Variants in BLTP1 observed in about 807,000 individuals in gnomAD.
BLTP1 encodes fragile site-associated protein.
chr4:122,268,670 C>T, the BLTP1 span, among the ~76,000 whole-genome samples: 1 of 152,104 alleles, frequency 6.6e-6, no homozygotes, highest in African/African-American at 2.4e-5. Context: ...TTTTTAGTTT[C>T]TTTGCTGCAT....
chr4:122,193,744 G>T, the BLTP1 span: 2 of 703,890 alleles, frequency 2.8e-6, no homozygotes, highest in Non-Finnish European at 3.5e-6. Context: ...AGATATTACG[G>T]GGCCATTGAT....
At chr4:122,350,091 AGCTTTTATATAT>A in the BLTP1 span, 4 of 1,609,652 alleles carry the variant, frequency 2.5e-6, no homozygotes, top group Non-Finnish European at 3.4e-6. Flanking sequence ...ATTAGAAGTA[AGCTTTTATATAT>A]GCTTTATCTT....
At chr4:122,233,897 C>T in the BLTP1 span, among the ~76,000 whole-genome samples, 1 of 152,036 alleles carries the variant, frequency 6.6e-6, no homozygotes, top group Non-Finnish European at 1.5e-5. Flanking sequence ...TAGCATGACA[C>T]TAGGCACTTA....
the BLTP1 span, chr4:122,229,815 C>T: frequency 3.8e-6 from 5 of 1,325,808 alleles, no homozygotes; most frequent in Admixed American, 3.3e-5. Context: ...CCTTTATTTT[C>T]TCCTTCCATT....
At chr4:122,189,646 G>A in the BLTP1 span, 1 of 926,668 alleles carries the variant, frequency 1.1e-6, no homozygotes, top group Non-Finnish European at 1.3e-6. Flanking sequence ...TCATTCCATT[G>A]TATTTAAACT....
the BLTP1 span, among the ~76,000 whole-genome samples, chr4:122,177,031 A>G: frequency 3.3e-5 from 5 of 152,192 alleles, no homozygotes; most frequent in African/African-American, 9.6e-5. Context: ...TTCCTCAGTC[A>G]TCATCCTTGA....
At chr4:122,167,993 C>A in the BLTP1 span, 6 of 713,340 alleles carry the variant, frequency 8.4e-6, no homozygotes, top group Non-Finnish European at 1.0e-5. Context: ...GCTGAGCATA[C>A]AACATTTTTG....
the BLTP1 span, chr4:122,286,559 C>T: frequency 1.2e-6 from 2 of 1,614,026 alleles, no homozygotes; most frequent in African/African-American, 1.3e-5. Context: ...ACAAGATTTA[C>T]ATTTGAGCTG....
chr4:122,205,298 T>C, the BLTP1 span, among the ~76,000 whole-genome samples: 27 of 152,002 alleles, frequency 1.8e-4, no homozygotes, highest in East Asian at 4.6e-3. Flanking sequence ...CCTGTGCCAG[T>C]TACTTTGTTC....
chr4:122,214,545 G>A, the BLTP1 span: 735 of 950,390 alleles, frequency 7.7e-4, 2 homozygotes, highest in Non-Finnish European at 8.3e-4. Context: ...AAAGTTTGCC[G>A]TAATGTATTA....
chr4:122,277,835 C>G, the BLTP1 span: 1 of 593,956 alleles, frequency 1.7e-6, no homozygotes, highest in Non-Finnish European at 2.1e-6. Flanking sequence ...TATTTAATGT[C>G]TGTATAGTGG....
At chr4:122,340,080 A>G in the BLTP1 span, among the ~76,000 whole-genome samples, 1 of 152,152 alleles carries the variant, frequency 6.6e-6, no homozygotes, top group African/African-American at 2.4e-5. Flanking sequence ...ATGAAAACTG[A>G]TAAGAAGACT....
chr4:122,212,617 C>CAA, the BLTP1 span, among the ~76,000 whole-genome samples: 3,079 of 144,876 alleles, frequency 0.021, 59 homozygotes, highest in African/African-American at 0.056. Context: ...TTGTTTTTAT[C>CAA]AAAAAAAAAA....
At chr4:122,244,771 G>T in the BLTP1 span, 14 of 471,814 alleles carry the variant, frequency 3.0e-5, no homozygotes, top group Non-Finnish European at 3.9e-5. Context: ...TTCTTCAGAA[G>T]TTTGTTAAAG....
chr4:122,258,335 AG>A, the BLTP1 span, among the ~76,000 whole-genome samples: 1 of 152,224 alleles, frequency 6.6e-6, no homozygotes, highest in Non-Finnish European at 1.5e-5. Flanking sequence ...GGAATAGGGT[AG>A]ATTTTATTAC....
chr4:122,268,365 G>A, the BLTP1 span, among the ~76,000 whole-genome samples: 13 of 152,080 alleles, frequency 8.5e-5, no homozygotes, highest in South Asian at 6.2e-4. Flanking sequence ...GTAAAATGTC[G>A]AACTCCTTTG....
the BLTP1 span, chr4:122,172,187 T>G: frequency 5.0e-6 from 2 of 402,718 alleles, no homozygotes; most frequent in African/African-American, 4.3e-5. Context: ...TCTCAGTGAT[T>G]GTTTTGCTTT....
the BLTP1 span, chr4:122,224,452 T>A: frequency 1.9e-6 from 3 of 1,566,044 alleles, no homozygotes; most frequent in Non-Finnish European, 2.6e-6. Flanking sequence ...GAAATTATAA[T>A]GTGATTTTCT....
the BLTP1 span, chr4:122,325,169 A>G: frequency 3.5e-5 from 52 of 1,476,724 alleles, no homozygotes; most frequent in Non-Finnish European, 4.1e-5. Flanking sequence ...AGACTTTTAT[A>G]AAGTCCAGGA....
Sources: gnomAD v4.1 joint callset for allele counts (sites outside exome capture counted in the v4.1 genomes callset) on GRCh38, gnomAD v4.1.1 for gene constraint, MANE v1.5 for transcripts, NCBI Gene and HGNC (gene_info 2026-07-23, HGNC 2026-07-21) for gene names.